The following ZFHX3 variants were observed in gnomAD, a reference collection of about 807,000 sequenced individuals.
The protein encoded by ZFHX3 is zinc finger homeobox protein 3.
A neutral mutation model predicts 279.1 loss-of-function variants in ZFHX3; 42 were observed. The observed-to-expected ratio is 0.15, with a 90% CI of 0.12 to 0.19. The LOEUF (loss-of-function observed/expected upper bound fraction) is 0.19. ZFHX3 is among the 10% of genes least tolerant of loss of function. The probability of loss-of-function intolerance (pLI) is 1.00; values close to 1 mark genes in which losing one functional copy is unlikely to be tolerated. For synonymous variants in ZFHX3, 2,293 were observed against 1,957.8 expected (o/e 1.17, Z -4.52); for missense variants, 4,981 against 4,754.0 (o/e 1.05, Z -1.40).
intron 1 of ZFHX3, among the ~76,000 whole-genome samples, chr16:73,868,449 G>T (rs182533414): frequency 6.6e-6 from 1 of 152,342 alleles, no homozygotes; most frequent in Admixed American, 6.5e-5. Context: ...GCTTGAACCT[G>T]GGAGGCAGAG....
At chr16:73,631,223 T>G (rs958012161) in intron 2 of ZFHX3, among the ~76,000 whole-genome samples, 5 of 152,214 alleles carry the variant, frequency 3.3e-5, no homozygotes, top group Non-Finnish European at 7.3e-5. Flanking sequence ...GCTCTGAAAC[T>G]AACATGGCCC....
chr16:72,901,153 G>A (rs1363659529), intron 3 of ZFHX3, among the ~76,000 whole-genome samples: 3 of 152,162 alleles, frequency 2.0e-5, no homozygotes, highest in African/African-American at 4.8e-5. Flanking sequence ...GGCTGTCGCT[G>A]GCAGCGTGGC....
At chr16:73,702,542 G>A (rs749259880) in intron 1 of ZFHX3, among the ~76,000 whole-genome samples, 5 of 152,218 alleles carry the variant, frequency 3.3e-5, no homozygotes, top group African/African-American at 1.2e-4. Context: ...AATAAAAATC[G>A]CATGAGATTA....
chr16:73,221,011 C>G (rs1187084132), intron 5 of ZFHX3, among the ~76,000 whole-genome samples: 3 of 152,106 alleles, frequency 2.0e-5, no homozygotes, highest in Non-Finnish European at 4.4e-5. Flanking sequence ...GCACTGTTAT[C>G]AAGGGCAAAG....
chr16:73,819,013 G>T (rs538049763), intron 1 of ZFHX3, among the ~76,000 whole-genome samples: 1 of 152,282 alleles, frequency 6.6e-6, no homozygotes, highest in Admixed American at 6.5e-5. Context: ...CAATGAAGTT[G>T]ATCTCTGTGT....
intron 2 of ZFHX3, among the ~76,000 whole-genome samples, chr16:73,667,113 T>C (rs2052850546): frequency 6.6e-6 from 1 of 152,072 alleles, no homozygotes; most frequent in African/African-American, 2.4e-5. Flanking sequence ...TGCCTCAGCC[T>C]CCCAAGTAGC....
rs558352143 is a variant in ZFHX3 at position 73,654,633 on chromosome 16, A to G, written c.-1547+25547T>C. 4.6e-5 allele frequency among the ~76,000 whole-genome samples: 7 copies of G among 152,188 alleles called. No individual in the cohort carries two copies. In the South Asian group the frequency reaches 1.5e-3, roughly 32 times the overall value. ...TACAGCATGAATAATTTGGTTGTAAACCAAATTATTGTTGTATGCAAGGTA... is the reference window on the plus strand; with the variant it reads ...TACAGCATGAATAATTTGGTTGTAAGCCAAATTATTGTTGTATGCAAGGTA... On this transcript the variant is annotated intron_variant, in intron 2 of 17. Transcript: ENST00000641206.
chr16:73,012,535 C>T (rs1344604440), intron 1 of ZFHX3, among the ~76,000 whole-genome samples: 1 of 152,052 alleles, frequency 6.6e-6, no homozygotes, highest in Non-Finnish European at 1.5e-5. Flanking sequence ...AGCCCACGGC[C>T]GGTGCCCAAC....
chr16:72,905,742 T>C (rs555810696), intron 3 of ZFHX3, among the ~76,000 whole-genome samples: 1 of 152,334 alleles, frequency 6.6e-6, no homozygotes, highest in East Asian at 1.9e-4. Context: ...AGTGTTCAGA[T>C]ACCTGGAAGG....
chr16:73,303,870 C>T (rs1250439381), intron 4 of ZFHX3, among the ~76,000 whole-genome samples: 2 of 147,282 alleles, frequency 1.4e-5, no homozygotes, highest in East Asian at 2.0e-4. Context: ...CAGTGGAAAC[C>T]GACCAGGATT....
chr16:73,807,256 C>A (rs1213725201), intron 1 of ZFHX3, among the ~76,000 whole-genome samples: 3 of 152,144 alleles, frequency 2.0e-5, no homozygotes, highest in Non-Finnish European at 4.4e-5. Flanking sequence ...GTTCTGCCCA[C>A]GTGTGACACA....
chr16:73,097,417 C>G (rs1025355002), intron 7 of ZFHX3, among the ~76,000 whole-genome samples: 1 of 152,188 alleles, frequency 6.6e-6, no homozygotes, highest in South Asian at 2.1e-4. Flanking sequence ...TCTGAGACAG[C>G]TCTTACTGTC....
chr16:73,511,494 G>C (rs1304203845), intron 2 of ZFHX3, among the ~76,000 whole-genome samples: 1 of 152,194 alleles, frequency 6.6e-6, no homozygotes, highest in African/African-American at 2.4e-5. Flanking sequence ...ATGAAATTCT[G>C]TGCTCTCTGT....
intron 1 of ZFHX3, among the ~76,000 whole-genome samples, chr16:73,847,904 GTTTTTTTTTTT>G (rs60189791): frequency 2.5e-5 from 2 of 80,056 alleles, no homozygotes; most frequent in Non-Finnish European, 4.6e-5. Context: ...TGCCTGGCTA[GTTTTTTTTTTT>G]TTTTTTTTTT....
At chr16:73,680,925 A>T (rs1464712644) in intron 1 of ZFHX3, among the ~76,000 whole-genome samples, 1 of 152,202 alleles carries the variant, frequency 6.6e-6, no homozygotes, top group Non-Finnish European at 1.5e-5. Context: ...GATCACACAG[A>T]GTATACGGGA....
chr16:72,818,907 A>C (rs944711344), intron 5 of ZFHX3, among the ~76,000 whole-genome samples: 5 of 152,342 alleles, frequency 3.3e-5, no homozygotes, highest in Admixed American at 2.0e-4. Flanking sequence ...GTTTCTAAAA[A>C]GGGTTTCAAA....
chr16:72,930,303 C>T (rs552385835), intron 3 of ZFHX3, among the ~76,000 whole-genome samples: 1 of 152,138 alleles, frequency 6.6e-6, no homozygotes, highest in East Asian at 1.9e-4. Flanking sequence ...TTTGTCACCC[C>T]AAGGGAGGGG....
At chr16:73,506,137 C>T (rs2143675757) in intron 2 of ZFHX3, among the ~76,000 whole-genome samples, 1 of 152,300 alleles carries the variant, frequency 6.6e-6, no homozygotes, top group South Asian at 2.1e-4. Flanking sequence ...GCTTAAGGTC[C>T]ACAGCTGTTT....
intron 2 of ZFHX3, among the ~76,000 whole-genome samples, chr16:73,461,613 C>T (rs545177969): frequency 3.3e-5 from 5 of 152,314 alleles, no homozygotes; most frequent in African/African-American, 9.6e-5. Flanking sequence ...TGGAAGTCCA[C>T]GTATACAAGC....
Sources: allele counts gnomAD v4.1 joint callset (sites outside exome capture counted in the v4.1 genomes callset), GRCh38; gene constraint gnomAD v4.1.1; transcripts MANE v1.5; gene names NCBI Gene and HGNC (gene_info 2026-07-23, HGNC 2026-07-21).